Variants in DCHS1 observed in about 807,000 individuals in gnomAD.
The protein encoded by DCHS1 is dachsous cadherin-related 1.
Under a neutral mutation model 213.9 loss-of-function variants are expected in DCHS1, and 78 were observed. The ratio of observed to expected loss-of-function variants is 0.36; its 90% CI spans 0.30 to 0.44. DCHS1 has a LOEUF of 0.44. Ranked by LOEUF, DCHS1 falls within the 20% of genes least tolerant of loss-of-function variation. DCHS1 has a pLI of 1.00. For synonymous variants in DCHS1, 1,828 were observed against 1,873.7 expected (o/e 0.98, Z 0.63); for missense variants, 3,946 against 4,395.9 (o/e 0.90, Z 2.89).
intron 1 of DCHS1, among the ~76,000 whole-genome samples, chr11:6,648,949 T>G (rs1242093845): frequency 6.6e-6 from 1 of 152,180 alleles, no homozygotes; most frequent in Non-Finnish European, 1.5e-5. Context: ...CTAGGCAAGT[T>G]ACTAAACATT....
At chr11:6,643,099 C>A (rs770217484) in intron 1 of DCHS1, among the ~76,000 whole-genome samples, 1 of 151,980 alleles carries the variant, frequency 6.6e-6, no homozygotes, top group African/African-American at 2.4e-5. Context: ...GAAAAAGAGG[C>A]GGGGCAAGGA....
intron 1 of DCHS1, among the ~76,000 whole-genome samples, chr11:6,648,646 T>G (rs572611858): frequency 1.3e-5 from 2 of 152,284 alleles, no homozygotes; most frequent in East Asian, 3.9e-4. Context: ...CAGGACAGGA[T>G]AGTGGTTAAG....
chr11:6,653,603 A>G (rs1856275108), intron 1 of DCHS1, among the ~76,000 whole-genome samples: 1 of 152,202 alleles, frequency 6.6e-6, no homozygotes, highest in Admixed American at 6.5e-5. Flanking sequence ...AAAATCATCT[A>G]TTTATTTATG....
chr11:6,622,077 T>G lies in DCHS1; in HGVS notation c.9599A>C (p.Asp3200Ala). 6.2e-7 allele frequency: 1 copy of G among 1,610,896 alleles called. No homozygotes were observed. Among genetic ancestry groups the G allele is most frequent in the Non-Finnish European group, 8.5e-7 (1 of 1,179,100 alleles). ...CACGGCAGTGATGAGGGGTGGTGGG[T>G]CGATACGGGGAGCTGGGGGACATGG... is the stretch of plus-strand genomic sequence containing the variant. ...ARPCPPAPRI[D>A]PPPLITAVAH... is the part of the protein sequence containing the mutation. The change falls in exon 21 of 21, where the codon GAC becomes GCC. Residue 3200 changes from aspartate to alanine, a missense_variant. Physicochemically the swap from Asp to Ala is moderately radical, Grantham distance 126. Coordinates refer to ENST00000299441, the MANE Select transcript of DCHS1 (RefSeq NM_003737.4). This position sits in a 1 kb window ranked among gnomAD's most constrained non-coding sequence, Gnocchi z 5.4.
chr11:6,651,663 G>A (rs959210525), intron 1 of DCHS1, among the ~76,000 whole-genome samples: 6 of 152,164 alleles, frequency 3.9e-5, no homozygotes, highest in African/African-American at 1.4e-4. Context: ...GGTAGATGAG[G>A]GCAACAGCAG....
At position 6,624,874 on chromosome 11, in the gene DCHS1, G is replaced by T; in HGVS notation, c.7147-6C>A. 1 of 1,613,744 alleles carries T rather than the reference G, an allele frequency of 6.2e-7. No individual in the cohort carries two copies. Among genetic ancestry groups the T allele is most frequent in the Non-Finnish European group, 8.5e-7 (1 of 1,179,800 alleles). ...GTGTGCTCAAGCAGCATTACCTGAAGTGTGAGGAAAAGTGCTTATTGCCAG... is the reference window on the plus strand; with the variant it reads ...GTGTGCTCAAGCAGCATTACCTGAATTGTGAGGAAAAGTGCTTATTGCCAG... On this transcript the variant is annotated splice_polypyrimidine_tract_variant and splice_region_variant and intron_variant, in intron 19 of 20. Transcript: ENST00000299441.
chr11:6,655,551 G>T lies in DCHS1; in HGVS notation c.-121+12C>A, dbSNP rs1232894739. The T allele has an allele frequency of 2.0e-6, 2 of 980,950 alleles. No individual in the cohort carries two copies. Among genetic ancestry groups the T allele is most frequent in the East Asian group, 2.3e-4 (2 of 8,708 alleles). The allele number at this position is 980,950 out of a possible 1,614,324, so 60.8% of individuals were successfully genotyped here. A position where few individuals can be genotyped will look rare whatever the true frequency, so the allele number is the denominator to read the frequency against. On this transcript the variant is annotated intron_variant, in intron 1 of 20. Transcript: ENST00000299441. ...GCGCGGCCAGACGGGCCGGGCGGGCGCGGGCACTGACCTCCGCGCGACGCG... is the reference window on the plus strand; with the variant it reads ...GCGCGGCCAGACGGGCCGGGCGGGCTCGGGCACTGACCTCCGCGCGACGCG...
At position 6,630,720 on chromosome 11, in the gene DCHS1, C is replaced by A; in HGVS notation, c.4074G>T (p.Glu1358Asp). Residue 1358 changes from glutamate (E) to aspartate (D), a missense_variant, in exon 10 of 21, where the codon GAG becomes GAT. Coordinates refer to ENST00000299441, the MANE Select transcript of DCHS1 (RefSeq NM_003737.4). ...AGGTGAGTGCACCCACACCCGCGGGCTCTGGCGCTGCCACCGAGCCCAACA... is the reference window on the plus strand; with the variant it reads ...AGGTGAGTGCACCCACACCCGCGGGATCTGGCGCTGCCACCGAGCCCAACA... ...GSLLGSVAAP[E>D]PAGVGALTYT... is the part of the protein sequence containing the mutation. The A allele has an allele frequency of 6.5e-7, 1 of 1,543,902 alleles. No individual in the cohort carries two copies. Among genetic ancestry groups the A allele is most frequent in the Non-Finnish European group, 8.7e-7 (1 of 1,147,566 alleles).
Position 6,626,179 on chromosome 11 carries a change from G to T in DCHS1, c.6566C>A (p.Pro2189His). Reference sequence around the variant, plus strand: ...CATCACACCCCGCACCTGCAGCAGGGGCCCCTCCAAGGGCCGGGACTCAGG... The same window carrying T: ...CATCACACCCCGCACCTGCAGCAGGTGCCCCTCCAAGGGCCGGGACTCAGG... The part of the protein sequence containing the change: ...FLPESRPLEG[P>H]LLQVEADDLD... The change falls in exon 16 of 21, where the codon CCC (proline) becomes CAC (histidine). Residue 2189 changes from proline to histidine, a missense_variant. Pro to His is a moderately conservative substitution (Grantham distance 77, BLOSUM62 -2). Transcript: ENST00000299441. The surrounding 1 kb of genome is among the most constrained non-coding windows in gnomAD (Gnocchi z 5.2). The T allele has an allele frequency of 6.2e-7, 1 of 1,606,774 alleles. No homozygotes were observed. The highest frequency in any genetic ancestry group is 8.5e-7 in the Non-Finnish European group (1 of 1,176,688).
Position 6,633,515 on chromosome 11 carries a change from G to T in DCHS1, c.2352C>A (p.Thr784=), listed in dbSNP as rs1240803606. The T allele has an allele frequency of 1.3e-6, 2 of 1,584,840 alleles. No homozygotes were observed. The highest frequency in any genetic ancestry group is 3.6e-5 in the Admixed American group (2 of 55,546). Reference sequence around the variant, plus strand: ...GTTGCTCAAATATGGGTGGTGTGGGGGTTCCAGGCACAATGCTGATGTCCA... The same window carrying T: ...GTTGCTCAAATATGGGTGGTGTGGGTGTTCCAGGCACAATGCTGATGTCCA... ...ARVDISIVPG[T]PTPPIFEQLQ... Residue 784 remains threonine (T), a synonymous_variant, in exon 5 of 21, where the codon ACC becomes ACA. Transcript: ENST00000299441.
chr11:6,655,270 C>G (rs935146534), intron 1 of DCHS1, among the ~76,000 whole-genome samples: 1 of 152,118 alleles, frequency 6.6e-6, no homozygotes, highest in Non-Finnish European at 1.5e-5. Flanking sequence ...GTGACACGCA[C>G]TGACACACTC....
intron 1 of DCHS1, among the ~76,000 whole-genome samples, chr11:6,649,705 G>C (rs1392635048): frequency 1.3e-5 from 2 of 152,102 alleles, no homozygotes; most frequent in African/African-American, 4.8e-5. Context: ...GGACGGGCAG[G>C]GCAGGGTGAG....
At chr11:6,648,006 C>T (rs1341374932) in intron 1 of DCHS1, among the ~76,000 whole-genome samples, 1 of 152,230 alleles carries the variant, frequency 6.6e-6, no homozygotes, top group African/African-American at 2.4e-5. Context: ...GGACTCTAGA[C>T]TTCGGCCTGC....
intron 1 of DCHS1, among the ~76,000 whole-genome samples, chr11:6,649,987 C>A (rs1476086178): frequency 2.0e-5 from 3 of 152,094 alleles, no homozygotes; most frequent in African/African-American, 7.2e-5. Context: ...ATCCCCAAAA[C>A]AACTCTCTTA....
chr11:6,630,741 C>T lies in DCHS1; in HGVS notation c.4053G>A (p.Leu1351=). Residue 1351 remains leucine, a synonymous_variant, in exon 10 of 21, where the codon TTG becomes TTA. Coordinates refer to ENST00000299441, the MANE Select transcript of DCHS1 (RefSeq NM_003737.4). ...CGGGCTCTGGCGCTGCCACCGAGCC[C>T]AACAGAGAGCCGGGCCGCAGTCCCT... is the stretch of plus-strand genomic sequence containing the variant. ...AAEGLRPGSL[L]GSVAAPEPAG... 1 of 1,545,376 alleles carries T rather than the reference C, an allele frequency of 6.5e-7. No homozygotes were observed.
chr11:6,643,352 G>A (rs965486827), intron 1 of DCHS1, among the ~76,000 whole-genome samples: 73 of 152,058 alleles, frequency 4.8e-4, no homozygotes, highest in Non-Finnish European at 5.9e-5. Context: ...CTCCCTCTAC[G>A]CAGTGAGGCT....
At position 6,622,286 on chromosome 11, in the gene DCHS1, A is replaced by G. The variant is rs1214427613; in HGVS notation, c.9390T>C (p.Thr3130=). The G allele has an allele frequency of 6.2e-7, 1 of 1,607,162 alleles. No individual in the cohort carries two copies. The highest frequency in any genetic ancestry group is 2.2e-5 in the East Asian group (1 of 44,748). Residue 3130 remains threonine, a synonymous_variant, in exon 21 of 21, where the codon ACT becomes ACC. Transcript: ENST00000299441. This position sits in a 1 kb window ranked among gnomAD's most constrained non-coding sequence, Gnocchi z 5.4. ...CATCTGCTGGGAAGCCATAGTCCCC[A>G]GTGGGTGCAGGGCTCAGGCCACAGC... is the stretch of plus-strand genomic sequence containing the variant. ...LGGCGLSPAP[T]GDYGFPADGK...
At position 6,633,451 on chromosome 11, in the gene DCHS1, C is replaced by T; in HGVS notation, c.2416G>A (p.Gly806Ser). Residue 806 changes from glycine (G) to serine (S), a missense_variant, in exon 5 of 21, where the codon GGC (glycine) becomes AGC (serine). By Grantham distance (56) the Gly-to-Ser change is moderately conservative. Around this residue, in one of 3 missense-constraint regions of DCHS1, gnomAD observed 3,384 missense variants for 3,780.1 expected, o/e 0.90. Transcript: ENST00000299441. ...GCCTGGACTATGCCCACACTGGTGCCTGGTGCCACATCCTCTGGCACAGAA... is the reference window on the plus strand; with the variant it reads ...GCCTGGACTATGCCCACACTGGTGCTTGGTGCCACATCCTCTGGCACAGAA... ...VFSVPEDVAP[G>S]TSVGIVQAHN... 6.4e-7 allele frequency: 1 copy of T among 1,567,570 alleles called. No homozygotes were observed. Among genetic ancestry groups the T allele is most frequent in the Non-Finnish European group, 8.7e-7 (1 of 1,155,250 alleles).
intron 6 of DCHS1, 58 bp downstream of exon 6, chr11:6,631,973 T>A: frequency 6.8e-7 from 1 of 1,479,782 alleles, no homozygotes; most frequent in Non-Finnish European, 8.9e-7. Context: ...CCTGTCTGAA[T>A]GTTCACCAGG....
Sources: allele counts gnomAD v4.1 joint callset (sites outside exome capture counted in the v4.1 genomes callset), GRCh38; gene constraint gnomAD v4.1.1; regional missense constraint gnomAD v4.1.1; non-coding constraint Gnocchi (gnomAD v3.1); transcripts MANE v1.5; gene names NCBI Gene and HGNC (gene_info 2026-07-23, HGNC 2026-07-21).